TMC2: variants seen among roughly 807,000 people sequenced by gnomAD.
TMC2 encodes the protein transmembrane channel like 2.
TMC2 carries 102 observed loss-of-function variants against 105.9 expected under a neutral mutation model. That is an observed-to-expected ratio of 0.96 (90% CI 0.82 to 1.14). TMC2 has a LOEUF of 1.14. Among genes scored for constraint, TMC2 ranks in the 50% most tolerant of loss-of-function variants. The pLI is 0.00. For missense variants in TMC2, 1,093 were observed against 1,134.3 expected, an observed-to-expected ratio of 0.96 and a Z score of 0.52; for synonymous variants, 402 against 422.8, an observed-to-expected ratio of 0.95 and a Z score of 0.60.
At chr20:2,630,187 C>T (rs1211438487) in intron 17 of TMC2, among the ~76,000 whole-genome samples, 1 of 152,156 alleles carries the variant, frequency 6.6e-6, no homozygotes, top group Admixed American at 6.5e-5. Context: ...AAATTCAAGG[C>T]TCAGGAAAAG....
At chr20:2,596,563 G>A (rs1474938171) in intron 9 of TMC2, among the ~76,000 whole-genome samples, 1 of 151,538 alleles carries the variant, frequency 6.6e-6, no homozygotes, top group Admixed American at 6.6e-5. Context: ...AACCCGGGAG[G>A]TGGAGGCTGC....
chr20:2,545,093 A>G (rs894012132), intron 2 of TMC2, among the ~76,000 whole-genome samples: 9 of 152,130 alleles, frequency 5.9e-5, no homozygotes, highest in African/African-American at 2.2e-4. Context: ...TGTAGTTCTA[A>G]CTACACATGA....
At chr20:2,607,895 C>T (rs899786670) in intron 11 of TMC2, among the ~76,000 whole-genome samples, 6 of 152,188 alleles carry the variant, frequency 3.9e-5, no homozygotes, top group South Asian at 2.1e-4. Flanking sequence ...GAGGCCAAGG[C>T]GGGTGGATCA....
In TMC2 at chr20:2,642,845, C is replaced by A. The variant is rs2086698070; in HGVS notation, c.*1494C>A. On this transcript the variant is annotated 3_prime_UTR_variant, in exon 20 of 20. Transcript: ENST00000358864. ...CTCTGAGTGTTCTAAAGAGAGTCAG[C>A]CACCTTAACCTCATCAACTGTTACA... 6.6e-6 allele frequency among the ~76,000 whole-genome samples: 1 copy of A among 152,084 alleles called. No homozygotes were observed. The highest frequency in any genetic ancestry group is 2.1e-4 in the South Asian group (1 of 4,830).
In TMC2 at chr20:2,580,041, A is replaced by C. The variant is rs776344938; in HGVS notation, c.819A>C (p.Leu273=). 6.2e-7 allele frequency: 1 copy of C among 1,610,064 alleles called. No individual in the cohort carries two copies. The highest frequency in any genetic ancestry group is 8.5e-7 in the Non-Finnish European group (1 of 1,176,462). The change falls in exon 7 of 20, where the codon CTA becomes CTC. Residue 273 remains leucine (L), a synonymous_variant. Coordinates refer to ENST00000358864, the MANE Select transcript of TMC2 (RefSeq NM_080751.3). ...NLVLFGLIFG[L]VIIPEVLMGM... ...TCCTTTTTGGCTTAATATTTGGTCT[A>C]GTCATAATCCCAGAGGTAAGAAAAG...
At chr20:2,556,750 T>C (rs1178080912) in intron 2 of TMC2, among the ~76,000 whole-genome samples, 2 of 152,166 alleles carry the variant, frequency 1.3e-5, no homozygotes, top group Non-Finnish European at 2.9e-5. Context: ...GAAAATAAAA[T>C]AAAACTTTTT....
intron 2 of TMC2, among the ~76,000 whole-genome samples, chr20:2,541,082 C>A (rs191952575): frequency 4.9e-4 from 75 of 152,254 alleles, no homozygotes; most frequent in Non-Finnish European, 8.5e-4. Flanking sequence ...ACAATCACCC[C>A]CTCCATTTCT....
chr20:2,603,836 G>A (rs1180595012), intron 11 of TMC2, among the ~76,000 whole-genome samples: 1 of 152,150 alleles, frequency 6.6e-6, no homozygotes, highest in Admixed American at 6.5e-5. Context: ...CATCCCACTA[G>A]GGCCAGTGTC....
At chr20:2,612,677 G>T (rs1012118954) in intron 13 of TMC2, among the ~76,000 whole-genome samples, 1 of 151,872 alleles carries the variant, frequency 6.6e-6, no homozygotes, top group African/African-American at 2.4e-5. Context: ...TGCAAAACCT[G>T]TTTTATTTTC....
intron 2 of TMC2, among the ~76,000 whole-genome samples, chr20:2,552,481 C>G (rs2085962738): frequency 6.6e-6 from 1 of 152,086 alleles, no homozygotes. Context: ...TCATATAGCT[C>G]TTACACATAT....
chr20:2,635,312 A>G (rs958166658), intron 17 of TMC2, among the ~76,000 whole-genome samples: 2 of 151,888 alleles, frequency 1.3e-5, no homozygotes, highest in Non-Finnish European at 2.9e-5. Flanking sequence ...AGCATCTGCA[A>G]TTGTGCTTCT....
At chr20:2,606,880 A>ATTTC (rs2086396366) in intron 11 of TMC2, among the ~76,000 whole-genome samples, 19 of 88,022 alleles carry the variant, frequency 2.2e-4, no homozygotes, top group African/African-American at 1.1e-3. Context: ...TTTTCCCTTA[A>ATTTC]TTTCTTTTTT....
At position 2,617,255 on chromosome 20, in the gene TMC2, G is replaced by T. The variant is rs755490594; in HGVS notation, c.2124G>T (p.Leu708=). 1.2e-6 allele frequency: 2 copies of T among 1,614,078 alleles called. No homozygotes were observed. The highest frequency in any genetic ancestry group is 2.7e-5 in the African/African-American group (2 of 74,932). The change falls in exon 16 of 20, where the codon CTG becomes CTT. Residue 708 remains leucine (L), a synonymous_variant. Coordinates refer to ENST00000358864, the MANE Select transcript of TMC2 (RefSeq NM_080751.3). ...TGCTGGTGCTCTTCCTCAGCCTCCTGCCGGTGGCCTACACCATCATGTCCC... is the reference window on the plus strand; with the variant it reads ...TGCTGGTGCTCTTCCTCAGCCTCCTTCCGGTGGCCTACACCATCATGTCCC... ...LLLLVLFLSL[L]PVAYTIMSLP... is the part of the protein sequence containing the mutation.
chr20:2,630,529 G>A (rs1170769865), intron 17 of TMC2, among the ~76,000 whole-genome samples: 3 of 152,122 alleles, frequency 2.0e-5, no homozygotes, highest in Non-Finnish European at 4.4e-5. Context: ...AATCTGAAGT[G>A]TGCATTTTTT....
intron 4 of TMC2, among the ~76,000 whole-genome samples, chr20:2,571,446 T>C (rs1600106160): frequency 6.6e-6 from 1 of 152,082 alleles, no homozygotes; most frequent in African/African-American, 2.4e-5. Context: ...AAAACCACAA[T>C]GACACACCAT....
At position 2,548,292 on chromosome 20, in the gene TMC2, T is replaced by C. The variant is rs554746921; in HGVS notation, c.83-10164T>C. 7.5e-4 allele frequency among the ~76,000 whole-genome samples: 115 copies of C among 152,322 alleles called. No individual in the cohort carries two copies. The South Asian group carries it at 0.022, about 30-fold the overall frequency. On this transcript the variant is annotated intron_variant, in intron 2 of 19. Coordinates refer to ENST00000358864, the MANE Select transcript of TMC2 (RefSeq NM_080751.3). ...CATGTTTTAAAAAAAGAAGCAAAAG[T>C]AAATAAACTTAAAATTATGTTTAGT...
intron 4 of TMC2, among the ~76,000 whole-genome samples, chr20:2,569,553 AC>A (rs1291561541): frequency 2.0e-5 from 3 of 152,208 alleles, no homozygotes; most frequent in Non-Finnish European, 4.4e-5. Context: ...TTTCAACTTA[AC>A]GATGTTTTCA....
chr20:2,538,697 C>A (rs1004120308), intron 2 of TMC2, among the ~76,000 whole-genome samples: 2 of 152,210 alleles, frequency 1.3e-5, no homozygotes, highest in African/African-American at 4.8e-5. Context: ...CTGAAATATT[C>A]CACGTTGCCG....
intron 13 of TMC2, 73 bp downstream of exon 13, chr20:2,612,413 T>C: frequency 7.3e-7 from 1 of 1,363,568 alleles, no homozygotes; most frequent in Non-Finnish European, 9.7e-7. Context: ...GATGTTTCCA[T>C]TTGAGGAATA....
Sources: gnomAD v4.1 joint callset for allele counts (sites outside exome capture counted in the v4.1 genomes callset) on GRCh38, gnomAD v4.1.1 for gene constraint, MANE v1.5 for transcripts, NCBI Gene and HGNC (gene_info 2026-07-23, HGNC 2026-07-21) for gene names.